Variants in CHST9 observed in about 807,000 individuals in gnomAD.
The protein encoded by CHST9 is carbohydrate sulfotransferase 9, also known as GalNAc-4-sulfotransferase 2.
In CHST9, 41 loss-of-function variants were observed where a neutral mutation model predicts 44.4. The ratio of observed to expected loss-of-function variants is 0.92; its 90% CI spans 0.72 to 1.20. The LOEUF is 1.20. Among genes scored for constraint, CHST9 ranks in the 50% most tolerant of loss-of-function variants. CHST9 has a pLI of 0.00. For synonymous variants in CHST9, 171 were observed against 178.4 expected (o/e 0.96, Z 0.33); for missense variants, 504 against 516.5 (o/e 0.98, Z 0.23).
intron 3 of CHST9, among the ~76,000 whole-genome samples, chr18:27,026,832 A>T (rs974505307): frequency 1.3e-5 from 2 of 152,222 alleles, no homozygotes; most frequent in Non-Finnish European, 2.9e-5. Flanking sequence ...CTGTTCTTAT[A>T]TTGTGTTTAG....
intron 2 of CHST9, among the ~76,000 whole-genome samples, chr18:27,140,919 T>A (rs1202343826): frequency 6.9e-6 from 1 of 144,346 alleles, no homozygotes; most frequent in African/African-American, 2.6e-5. Flanking sequence ...CTTTAGAAAA[T>A]CATTATATGC....
chr18:27,048,105 T>C (rs2057525977), intron 3 of CHST9, among the ~76,000 whole-genome samples: 1 of 152,160 alleles, frequency 6.6e-6, no homozygotes. Flanking sequence ...TTTTAAGAAA[T>C]AAAATTGAGA....
chr18:26,970,318 TCTCAA>T (rs1187148538), intron 4 of CHST9, among the ~76,000 whole-genome samples: 1 of 152,204 alleles, frequency 6.6e-6, no homozygotes, highest in African/African-American at 2.4e-5. Flanking sequence ...TCTGCTCAAC[TCTCAA>T]CTCTTCTTTC....
intron 4 of CHST9, among the ~76,000 whole-genome samples, chr18:26,946,124 A>G (rs1286181601): frequency 6.6e-6 from 1 of 152,162 alleles, no homozygotes; most frequent in Non-Finnish European, 1.5e-5. Flanking sequence ...TCTCAATCAG[A>G]TACTCTTGAT....
intron 2 of CHST9, among the ~76,000 whole-genome samples, chr18:27,057,610 G>A (rs1032218302): frequency 3.3e-5 from 5 of 152,180 alleles, no homozygotes; most frequent in Admixed American, 6.5e-5. Flanking sequence ...TGAGCACAGC[G>A]AGTACTGTGA....
At chr18:26,917,403 TA>T in intron 5 of CHST9, 53 bp from the exon 6 acceptor site, 1 of 1,552,568 alleles carries the variant, frequency 6.4e-7, no homozygotes, top group Non-Finnish European at 8.7e-7. Flanking sequence ...AGTGTGGGTA[TA>T]CTGGATAAGG....
At chr18:26,980,233 C>T (rs2056675433) in intron 4 of CHST9, among the ~76,000 whole-genome samples, 1 of 152,042 alleles carries the variant, frequency 6.6e-6, no homozygotes, top group Non-Finnish European at 1.5e-5. Flanking sequence ...TGTCTTTCTT[C>T]CAAAGAAGAC....
intron 1 of CHST9, among the ~76,000 whole-genome samples, chr18:27,152,506 T>C (rs1598761293): frequency 6.6e-6 from 1 of 152,134 alleles, no homozygotes; most frequent in East Asian, 1.9e-4. Flanking sequence ...ATTCTAAAGA[T>C]TTCAAAGTTT....
chr18:27,129,721 T>A (rs756726973), intron 2 of CHST9, among the ~76,000 whole-genome samples: 4 of 152,104 alleles, frequency 2.6e-5, no homozygotes, highest in Non-Finnish European at 4.4e-5. Flanking sequence ...AATACCTCAG[T>A]TTGAAAATAA....
At chr18:27,056,871 T>C (rs2057662364) in intron 2 of CHST9, among the ~76,000 whole-genome samples, 1 of 152,260 alleles carries the variant, frequency 6.6e-6, no homozygotes, top group African/African-American at 2.4e-5. Flanking sequence ...CTTCCCATTT[T>C]AGTGGATTCC....
At chr18:26,992,428 A>T (rs1268648528) in intron 4 of CHST9, among the ~76,000 whole-genome samples, 1 of 152,132 alleles carries the variant, frequency 6.6e-6, no homozygotes, top group African/African-American at 2.4e-5. Flanking sequence ...CCTGATACCA[A>T]GCAGAAGTTT....
intron 1 of CHST9, among the ~76,000 whole-genome samples, chr18:27,160,023 G>T (rs534376770): frequency 1.3e-5 from 2 of 152,178 alleles, no homozygotes; most frequent in Non-Finnish European, 2.9e-5. Context: ...AGACAATGGG[G>T]TTTTCTAGGT....
chr18:27,141,756 A>G (rs926821157), intron 2 of CHST9, among the ~76,000 whole-genome samples: 15 of 151,460 alleles, frequency 9.9e-5, no homozygotes, highest in Admixed American at 1.3e-4. Context: ...AAAAAAAAAA[A>G]AAAAGAAAAT....
chr18:27,178,238 G>A (rs899370279), intron 1 of CHST9, among the ~76,000 whole-genome samples: 1 of 151,890 alleles, frequency 6.6e-6, no homozygotes, highest in African/African-American at 2.4e-5. Context: ...TCTATGCAGA[G>A]AATTTTGTGA....
chr18:27,133,992 G>T (rs894882830), intron 2 of CHST9, among the ~76,000 whole-genome samples: 9 of 152,184 alleles, frequency 5.9e-5, no homozygotes, highest in African/African-American at 2.2e-4. Context: ...ACTTTTTAAA[G>T]AAAAGCAATT....
At chr18:27,162,879 A>G (rs2058759175) in intron 1 of CHST9, among the ~76,000 whole-genome samples, 1 of 152,078 alleles carries the variant, frequency 6.6e-6, no homozygotes, top group Admixed American at 6.5e-5. Flanking sequence ...TTGGAGGAGG[A>G]GAGGCGCTCT....
At chr18:27,123,532 T>G (rs2058393495) in intron 2 of CHST9, among the ~76,000 whole-genome samples, 2 of 152,158 alleles carry the variant, frequency 1.3e-5, no homozygotes, top group Non-Finnish European at 2.9e-5. Context: ...GCTGTGGGTT[T>G]AAATTCTACA....
chr18:26,934,298 G>A (rs1400215586), intron 5 of CHST9: 1 of 150,620 alleles, frequency 6.6e-6, no homozygotes, highest in Non-Finnish European at 1.5e-5. Flanking sequence ...GCAGCGGCGC[G>A]ATCTCGGCTC....
At chr18:27,062,965 G>C (rs1293150312) in intron 2 of CHST9, among the ~76,000 whole-genome samples, 2 of 152,080 alleles carry the variant, frequency 1.3e-5, no homozygotes, top group Non-Finnish European at 1.5e-5. Flanking sequence ...TTTGCTGCCA[G>C]GGCTCTGACA....
Sources: gnomAD v4.1 joint callset for allele counts (sites outside exome capture counted in the v4.1 genomes callset) on GRCh38, gnomAD v4.1.1 for gene constraint, MANE v1.5 for transcripts, NCBI Gene and HGNC (gene_info 2026-07-23, HGNC 2026-07-21) for gene names.